The following SHC3 variants were observed in gnomAD, a reference collection of about 807,000 sequenced individuals.
SHC3 encodes the protein SHC-transforming protein 3.
In SHC3, 15 loss-of-function variants were observed where a neutral mutation model predicts 60.4. That is an observed-to-expected ratio of 0.25 (90% CI 0.17 to 0.38). The LOEUF (loss-of-function observed/expected upper bound fraction) is 0.38. Ranked by LOEUF, SHC3 falls within the 10% of genes least tolerant of loss-of-function variation. SHC3 has a pLI of 1.00. For synonymous variants in SHC3, 294 were observed against 325.9 expected (o/e 0.90, Z 1.05); for missense variants, 677 against 786.1 (o/e 0.86, Z 1.66).
intron 2 of SHC3, among the ~76,000 whole-genome samples, chr9:89,103,709 T>C (rs1323793635): frequency 6.6e-6 from 1 of 152,222 alleles, no homozygotes; most frequent in African/African-American, 2.4e-5. Flanking sequence ...TAAATGCTTT[T>C]CAGATATTAG....
intron 11 of SHC3, among the ~76,000 whole-genome samples, chr9:89,019,475 T>G (rs1826162242): frequency 6.6e-6 from 1 of 152,180 alleles, no homozygotes; most frequent in Non-Finnish European, 1.5e-5. Context: ...AAACTGCCTT[T>G]GTTCACAGAT....
intron 5 of SHC3, among the ~76,000 whole-genome samples, chr9:89,066,680 CAT>C (rs1825188126): frequency 6.6e-6 from 1 of 152,184 alleles, no homozygotes; most frequent in Admixed American, 6.5e-5. Context: ...AGACATTTCC[CAT>C]ATGTCATTGC....
chr9:89,031,015 C>G (rs1354391868), intron 11 of SHC3, among the ~76,000 whole-genome samples: 3 of 152,116 alleles, frequency 2.0e-5, no homozygotes, highest in Admixed American at 2.0e-4. Flanking sequence ...CTCAGCCTCT[C>G]AAGTAGCTGG....
At chr9:89,026,226 C>G (rs902958727) in intron 11 of SHC3, among the ~76,000 whole-genome samples, 2 of 141,118 alleles carry the variant, frequency 1.4e-5, no homozygotes, top group Non-Finnish European at 3.0e-5. Context: ...TGTACTCTAG[C>G]CTGGGTGACA....
At chr9:89,120,069 G>T (rs563136260) in intron 1 of SHC3, among the ~76,000 whole-genome samples, 1 of 152,140 alleles carries the variant, frequency 6.6e-6, no homozygotes, top group South Asian at 2.1e-4. Flanking sequence ...GTGTAGAATG[G>T]GATATTCCCC....
At position 89,010,362 on chromosome 9, in the gene SHC3, C is replaced by G. The variant is rs900621949; in HGVS notation, c.*3085G>C. ...CAGCCTTGGAGGTCAAGAATCAAAG[C>G]TGACTTAAACCACAATGAGCACCCC... On this transcript the variant is annotated 3_prime_UTR_variant, in exon 12 of 12. Coordinates refer to ENST00000375835, the MANE Select transcript of SHC3 (RefSeq NM_016848.6). 6.6e-6 allele frequency: 1 copy of G among 152,242 alleles called. No homozygotes were observed. The highest frequency in any genetic ancestry group is 2.4e-5 in the African/African-American group (1 of 41,462). The allele number at this position is 152,242 out of a possible 1,614,324, so 9.4% of individuals were successfully genotyped here.
intron 2 of SHC3, among the ~76,000 whole-genome samples, chr9:89,085,333 T>C (rs78826739): frequency 1.3e-5 from 2 of 152,200 alleles, no homozygotes; most frequent in African/African-American, 4.8e-5. Flanking sequence ...CAGCCTTCTG[T>C]TCACTTTTCC....
intron 2 of SHC3, chr9:89,110,453 G>C: frequency 2.0e-6 from 2 of 985,020 alleles, no homozygotes; most frequent in African/African-American, 1.7e-5. Flanking sequence ...TGGCAGTGGA[G>C]TTTAATCACA....
intron 8 of SHC3, 135 bp from the exon 9 acceptor site, chr9:89,045,968 A>C: frequency 4.2e-6 from 3 of 708,092 alleles, no homozygotes; most frequent in East Asian, 2.9e-5. Context: ...TTTTCCCTTC[A>C]TGCCTCATGG....
intron 1 of SHC3, among the ~76,000 whole-genome samples, chr9:89,144,815 A>C (rs1451390018): frequency 2.6e-5 from 4 of 151,746 alleles, no homozygotes; most frequent in Non-Finnish European, 5.9e-5. Context: ...GTCTCAATGC[A>C]GTGTATCCCC....
intron 2 of SHC3, among the ~76,000 whole-genome samples, chr9:89,101,078 T>A (rs1825776244): frequency 6.6e-6 from 1 of 152,226 alleles, no homozygotes; most frequent in African/African-American, 2.4e-5. Context: ...ATTTAGCTCT[T>A]TAATTTTTCT....
chr9:89,117,409 C>G (rs1329540973), intron 1 of SHC3, among the ~76,000 whole-genome samples: 1 of 152,194 alleles, frequency 6.6e-6, no homozygotes, highest in Non-Finnish European at 1.5e-5. Context: ...TGATTTTTCT[C>G]ACATGCTTAT....
At chr9:89,156,224 G>T (rs888966472) in intron 1 of SHC3, among the ~76,000 whole-genome samples, 1 of 152,060 alleles carries the variant, frequency 6.6e-6, no homozygotes, top group African/African-American at 2.4e-5. Context: ...AATATGGAGC[G>T]GGCCATGTGG....
chr9:89,097,454 C>G (rs189687593), intron 2 of SHC3, among the ~76,000 whole-genome samples: 33 of 152,316 alleles, frequency 2.2e-4, no homozygotes, highest in African/African-American at 7.9e-4. Context: ...TGACTTCCAT[C>G]CTACTAAGCA....
chr9:89,024,449 A>G (rs1826254775), intron 11 of SHC3, among the ~76,000 whole-genome samples: 1 of 152,102 alleles, frequency 6.6e-6, no homozygotes, highest in Non-Finnish European at 1.5e-5. Context: ...TGTGTGCGTT[A>G]TTAAATACTG....
At chr9:89,061,665 G>T (rs992899867) in intron 6 of SHC3, among the ~76,000 whole-genome samples, 2 of 152,168 alleles carry the variant, frequency 1.3e-5, no homozygotes, top group Admixed American at 6.5e-5. Flanking sequence ...GTTACCCATG[G>T]TCAACCTCAG....
At chr9:89,088,463 G>A (rs1349827412) in intron 2 of SHC3, 1 of 152,090 alleles carries the variant, frequency 6.6e-6, no homozygotes, top group Non-Finnish European at 1.5e-5. Flanking sequence ...TCCAGCCTTG[G>A]TCACTCATAT....
At chr9:89,021,275 G>T (rs928591268) in intron 11 of SHC3, among the ~76,000 whole-genome samples, 16 of 152,150 alleles carry the variant, frequency 1.1e-4, no homozygotes, top group Admixed American at 1.0e-3. Flanking sequence ...AAAAGCCCAG[G>T]CTACCTTGGG....
chr9:89,050,398 G>A (rs917677398), intron 7 of SHC3, among the ~76,000 whole-genome samples: 1 of 152,178 alleles, frequency 6.6e-6, no homozygotes, highest in Non-Finnish European at 1.5e-5. Context: ...TGATTCTCCT[G>A]CCTCAGCTTC....
Sources: gnomAD v4.1 joint callset for allele counts (sites outside exome capture counted in the v4.1 genomes callset) on GRCh38, gnomAD v4.1.1 for gene constraint, MANE v1.5 for transcripts, NCBI Gene and HGNC (gene_info 2026-07-23, HGNC 2026-07-21) for gene names.